HSD11B1: variants seen among roughly 807,000 people sequenced by gnomAD.
HSD11B1 encodes 11-beta-hydroxysteroid dehydrogenase 1.
Under a neutral mutation model 22.1 loss-of-function variants are expected in HSD11B1, and 15 were observed. That is an observed-to-expected ratio of 0.68 (90% CI 0.45 to 1.04). The LOEUF (loss-of-function observed/expected upper bound fraction) is 1.04, where lower values mean the gene tolerates loss of function less well. Ranked by LOEUF, HSD11B1 falls within the 50% of genes least tolerant of loss-of-function variation. The pLI is 0.00. For missense variants in HSD11B1, 281 were observed against 357.6 expected, an observed-to-expected ratio of 0.79 and a Z score of 1.73; for synonymous variants, 122 against 125.2, an observed-to-expected ratio of 0.97 and a Z score of 0.17.
At chr1:209,731,776 G>A (rs1174180058) in intron 4 of HSD11B1, among the ~76,000 whole-genome samples, 1 of 152,068 alleles carries the variant, frequency 6.6e-6, no homozygotes, top group African/African-American at 2.4e-5. Flanking sequence ...GTGCGGTGGC[G>A]CGATCTCAGC....
chr1:209,710,694 T>G (rs1205350624), intron 4 of HSD11B1, among the ~76,000 whole-genome samples: 2 of 152,202 alleles, frequency 1.3e-5, no homozygotes, highest in East Asian at 3.8e-4. Context: ...AGGTATATTT[T>G]GAAGTGAAAC....
chr1:209,691,318 C>A (rs1249637920), intron 1 of HSD11B1, among the ~76,000 whole-genome samples: 3 of 152,162 alleles, frequency 2.0e-5, no homozygotes, highest in Admixed American at 2.0e-4. Flanking sequence ...TGGATTAATG[C>A]CCTCTTAAAG....
chr1:209,723,815 G>A (rs1289463496), intron 4 of HSD11B1, among the ~76,000 whole-genome samples: 2 of 152,184 alleles, frequency 1.3e-5, no homozygotes, highest in Non-Finnish European at 2.9e-5. Context: ...CTGGCACCCA[G>A]CTAATATATT....
At chr1:209,733,474 T>G (rs12060420) in intron 5 of HSD11B1, among the ~76,000 whole-genome samples, 30,582 of 152,046 alleles carry the variant, frequency 0.2, 3,152 homozygotes, top group East Asian at 0.21. Context: ...TCCAGGAACA[T>G]AAAAAGAACA....
chr1:209,704,756 T>A, upstream of HSD11B1: 1 of 588,708 alleles, frequency 1.7e-6, no homozygotes, highest in Admixed American at 2.8e-5. Context: ...CAGGGACGAA[T>A]GGGATCCCAC....
intron 4 of HSD11B1, among the ~76,000 whole-genome samples, chr1:209,728,959 C>G (rs1436357848): frequency 6.6e-6 from 1 of 152,148 alleles, no homozygotes; most frequent in Admixed American, 6.5e-5. Context: ...GGAATGATGT[C>G]AGCTTTCTTT....
At chr1:209,725,810 G>C (rs111627844) in intron 4 of HSD11B1, among the ~76,000 whole-genome samples, 4 of 152,284 alleles carry the variant, frequency 2.6e-5, no homozygotes, top group African/African-American at 9.6e-5. Context: ...CAAATCTGCA[G>C]GTTAATGGTC....
rs565634959 is a variant in HSD11B1 at position 209,721,497 on chromosome 1, T to C, written c.518-10939T>C. ...AAAAAAAAAAAAAAAATCCCCATCCTGGGAGTCTAGTGACTTGGAGGACAT... is the reference window on the plus strand; with the variant it reads ...AAAAAAAAAAAAAAAATCCCCATCCCGGGAGTCTAGTGACTTGGAGGACAT... On this transcript the variant is annotated intron_variant, in intron 4 of 5. Coordinates refer to ENST00000367027, the MANE Select transcript of HSD11B1 (RefSeq NM_005525.4). Among the ~76,000 whole-genome samples, 523 of 144,944 alleles carry C rather than the reference T, an allele frequency of 3.6e-3. 5 individuals carry two copies. The highest frequency in any genetic ancestry group is 3.6e-3 in the Middle Eastern group (1 of 280).
chr1:209,732,165 C>T (rs1343450640), intron 4 of HSD11B1, among the ~76,000 whole-genome samples: 1 of 152,208 alleles, frequency 6.6e-6, no homozygotes, highest in Non-Finnish European at 1.5e-5. Flanking sequence ...TTACATGGCT[C>T]TTTTGTAGCC....
upstream of HSD11B1, among the ~76,000 whole-genome samples, chr1:209,704,341 G>T (rs572621869): frequency 6.6e-6 from 1 of 151,868 alleles, no homozygotes; most frequent in Non-Finnish European, 1.5e-5. Context: ...ACTTGAGTGT[G>T]GGGCTTATAG....
chr1:209,710,811 GCTCCATAAGTGT>G (rs2076890332), intron 4 of HSD11B1, among the ~76,000 whole-genome samples: 1 of 152,208 alleles, frequency 6.6e-6, no homozygotes, highest in Admixed American at 6.5e-5. Flanking sequence ...CTCTTGAGAA[GCTCCATAAGTGT>G]CTCCAGTTAA....
intron 1 of HSD11B1, among the ~76,000 whole-genome samples, chr1:209,691,106 C>A (rs886309686): frequency 6.6e-6 from 1 of 152,166 alleles, no homozygotes; most frequent in Non-Finnish European, 1.5e-5. Flanking sequence ...GGTCAGAAAT[C>A]TGAACAGCAG....
intron 4 of HSD11B1, among the ~76,000 whole-genome samples, chr1:209,727,097 T>C (rs1184233761): frequency 6.6e-6 from 1 of 152,198 alleles, no homozygotes; most frequent in African/African-American, 2.4e-5. Flanking sequence ...TGAGAGGCCC[T>C]GAATCCAATG....
upstream of HSD11B1, among the ~76,000 whole-genome samples, chr1:209,702,465 A>G (rs891966425): frequency 6.6e-6 from 1 of 152,214 alleles, no homozygotes; most frequent in African/African-American, 2.4e-5. Context: ...TATGGACACA[A>G]AGTGGATTAG....
chr1:209,712,998 G>A (rs752239773), intron 4 of HSD11B1, among the ~76,000 whole-genome samples: 2 of 152,038 alleles, frequency 1.3e-5, no homozygotes, highest in African/African-American at 4.8e-5. Context: ...GCAGTGAGCC[G>A]AGATCGCACC....
chr1:209,686,605 T>C (rs1396001766), intron 1 of HSD11B1, among the ~76,000 whole-genome samples: 1 of 152,220 alleles, frequency 6.6e-6, no homozygotes, highest in East Asian at 1.9e-4. Context: ...GCAAAGATAG[T>C]ATAAAAAGTG....
intron 4 of HSD11B1, among the ~76,000 whole-genome samples, chr1:209,715,172 C>T (rs2076922550): frequency 6.6e-6 from 1 of 152,058 alleles, no homozygotes; most frequent in South Asian, 2.1e-4. Context: ...TTGGAAGCCC[C>T]AGGTTCTCAC....
intron 1 of HSD11B1, among the ~76,000 whole-genome samples, chr1:209,690,693 G>A (rs2076754591): frequency 6.6e-6 from 1 of 151,876 alleles, no homozygotes; most frequent in Non-Finnish European, 1.5e-5. Flanking sequence ...GTGGAATTCT[G>A]TCTCAAAAAA....
chr1:209,726,276 TAAAAAAAAA>T lies in HSD11B1; in HGVS notation c.518-6140_518-6132del, dbSNP rs60207937. Among the ~76,000 whole-genome samples, 11 of 81,942 alleles carry T rather than the reference TAAAAAAAAA, an allele frequency of 1.3e-4. No individual in the cohort carries two copies. In the East Asian group the frequency reaches 1.5e-3, roughly 11 times the overall value. 53.8% of individuals were successfully genotyped at this position (81,942 alleles called of 152,430 possible). A position where few individuals can be genotyped will look rare whatever the true frequency, so the allele number is the denominator to read the frequency against. ...AACCTGGCAACAGAATGAGACTCCG[TAAAAAAAAA>T]AAAAAAAAAAAAAAAAAAACCAAAA... On this transcript the variant is annotated intron_variant, in intron 4 of 5. Coordinates refer to ENST00000367027, the MANE Select transcript of HSD11B1 (RefSeq NM_005525.4).
Sources: allele counts gnomAD v4.1 joint callset (sites outside exome capture counted in the v4.1 genomes callset), GRCh38; gene constraint gnomAD v4.1.1; transcripts MANE v1.5; gene names NCBI Gene and HGNC (gene_info 2026-07-23, HGNC 2026-07-21).